GAK: variants seen among roughly 807,000 people sequenced by gnomAD.
GAK encodes cyclin G associated kinase, also known as cyclin-G-associated kinase.
GAK carries 79 observed loss-of-function variants against 143.9 expected under a neutral mutation model. That is an observed-to-expected ratio of 0.55 (90% CI 0.46 to 0.66). The LOEUF (loss-of-function observed/expected upper bound fraction) is 0.66. GAK is among the 30% of genes least tolerant of loss of function. GAK has a pLI of 0.00. For synonymous variants in GAK, 881 were observed against 765.5 expected (o/e 1.15, Z -2.49); for missense variants, 1,693 against 1,779.7 (o/e 0.95, Z 0.88).
rs553278324 is a variant in GAK, at chr4:929,313, C to T, written c.145+2730G>A. 1.3e-3 allele frequency among the ~76,000 whole-genome samples: 205 copies of T among 152,322 alleles called. 2 individuals carry two copies. Among genetic ancestry groups the T allele is most frequent in the Middle Eastern group, 6.8e-3 (2 of 294 alleles). On this transcript the variant is annotated intron_variant, in intron 1 of 27. Coordinates refer to ENST00000314167, the MANE Select transcript of GAK (RefSeq NM_005255.4). ...ACAACACCCAACCAAACGCACGAGG[C>T]GGGTTACGCTTAAACCATACGACGG...
chr4:929,529 G>A (rs1217608762), intron 1 of GAK, among the ~76,000 whole-genome samples: 1 of 152,142 alleles, frequency 6.6e-6, no homozygotes, highest in Non-Finnish European at 1.5e-5. Context: ...TCTCTGACAT[G>A]GTTGGTGCTC....
intron 24 of GAK, among the ~76,000 whole-genome samples, chr4:854,051 G>C (rs1468863137): frequency 2.0e-5 from 3 of 151,536 alleles, no homozygotes; most frequent in Admixed American, 6.6e-5. Context: ...GCCTGCCTCA[G>C]CCTCCCAAAG....
intron 23 of GAK, among the ~76,000 whole-genome samples, chr4:862,741 A>C (rs1328822038): frequency 6.6e-6 from 1 of 152,014 alleles, no homozygotes; most frequent in African/African-American, 2.4e-5. Context: ...CCATCTGTGT[A>C]CAGCATGGTT....
intron 5 of GAK, among the ~76,000 whole-genome samples, chr4:901,315 A>T (rs1263365789): frequency 6.6e-6 from 1 of 151,990 alleles, no homozygotes; most frequent in Non-Finnish European, 1.5e-5. Context: ...GCACACGGGG[A>T]GAGCCACGGC....
In GAK at chr4:893,362, G is replaced by T. The variant is rs769413262; in HGVS notation, c.990+15C>A. On this transcript the variant is annotated intron_variant, in intron 9 of 27. Transcript: ENST00000314167. ...CCACTGCGGGGGATTTGGGGCTCAC[G>T]TGTGCCTCCCTCACCTCTGTGATGG... 3 of 1,513,906 alleles carry T rather than the reference G, an allele frequency of 2.0e-6. No homozygotes were observed. Among genetic ancestry groups the T allele is most frequent in the Admixed American group, 2.1e-5 (1 of 48,680 alleles). The allele number at this position is 1,513,906 out of a possible 1,614,324, so 93.8% of individuals were successfully genotyped here.
chr4:878,752 TTTCCCGTGGCTGGCG>T (rs1714500855), intron 15 of GAK, among the ~76,000 whole-genome samples: 2 of 152,230 alleles, frequency 1.3e-5, no homozygotes, highest in Non-Finnish European at 2.9e-5. Context: ...CAGCTCTGGC[TTTCCCGTGGCTGGCG>T]TTCCCGTGGT....
chr4:879,169 C>T (rs181711999), intron 15 of GAK, among the ~76,000 whole-genome samples: 12 of 152,254 alleles, frequency 7.9e-5, no homozygotes, highest in African/African-American at 2.6e-4. Context: ...TGTGTTGTGT[C>T]GGGTCATGTA....
chr4:896,625 C>A, intron 6 of GAK, 76 bp from the exon 7 acceptor site: 1 of 1,148,614 alleles, frequency 8.7e-7, no homozygotes, highest in Non-Finnish European at 1.3e-6. Flanking sequence ...CACTTCCGTG[C>A]AGCTTTCCAA....
chr4:871,142 A>C (rs1484998234), intron 18 of GAK, among the ~76,000 whole-genome samples: 3 of 152,198 alleles, frequency 2.0e-5, no homozygotes, highest in Non-Finnish European at 2.9e-5. Context: ...GAAGAGCATC[A>C]TTTCACTCGC....
At chr4:868,828 C>G in intron 19 of GAK, 143 bp from the exon 20 acceptor site, 1 of 770,906 alleles carries the variant, frequency 1.3e-6, no homozygotes, top group Non-Finnish European at 2.0e-6. Flanking sequence ...AATGACATGA[C>G]GGGGAGGGGC....
In GAK at chr4:929,621, A is replaced by T. The variant is rs1025075387; in HGVS notation, c.145+2422T>A. Reference sequence around the variant, plus strand: ...GTAAGCCCAGCTACTCGGGAGGCCGAGGCAGGAAGATCCAGAGCCCAGTTC... The same window carrying T: ...GTAAGCCCAGCTACTCGGGAGGCCGTGGCAGGAAGATCCAGAGCCCAGTTC... On this transcript the variant is annotated intron_variant, in intron 1 of 27. Coordinates refer to ENST00000314167, the MANE Select transcript of GAK (RefSeq NM_005255.4). Among the ~76,000 whole-genome samples the T allele has an allele frequency of 3.3e-5, 5 of 152,068 alleles. No homozygotes were observed. In the South Asian group the frequency reaches 1.0e-3, roughly 32 times the overall value.
chr4:904,464 A>T (rs1056775829), intron 5 of GAK, among the ~76,000 whole-genome samples, 173 bp downstream of exon 5: 3 of 149,840 alleles, frequency 2.0e-5, no homozygotes, highest in Admixed American at 2.0e-4. Flanking sequence ...AGGCCTCAGC[A>T]GCCGCTACCT....
chr4:928,671 C>A (rs553267163), intron 1 of GAK, among the ~76,000 whole-genome samples: 35 of 152,352 alleles, frequency 2.3e-4, no homozygotes, highest in African/African-American at 8.2e-4. Context: ...AACTTGCAAC[C>A]AAGAGTCTTG....
At position 882,806 on chromosome 4, in the gene GAK, C is replaced by A. The variant is rs1413590717; in HGVS notation, c.1418G>T (p.Gly473Val). The A allele has an allele frequency of 6.2e-7, 1 of 1,610,160 alleles. No homozygotes were observed. Among genetic ancestry groups the A allele is most frequent in the Admixed American group, 1.7e-5 (1 of 60,022 alleles). ...SRFHNRVSECGWAARRAPHLH... is the reference protein window; with the variant it reads ...SRFHNRVSECVWAARRAPHLH... The stretch of plus-strand genomic sequence containing the variant: ...GTGTGGGGCCCGCCGTGCTGCCCAG[C>A]CACACTCGGAGACCTGTGGGGACAG... Residue 473 changes from glycine to valine, a missense_variant, in exon 14 of 28, where the codon GGC becomes GTC. By Grantham distance (109) the Gly-to-Val change is moderately radical (BLOSUM62 -3). Transcript: ENST00000314167.
At chr4:880,776 C>T (rs542561060) in intron 15 of GAK, among the ~76,000 whole-genome samples, 5 of 152,312 alleles carry the variant, frequency 3.3e-5, no homozygotes, top group South Asian at 2.1e-4. Flanking sequence ...GCTAGCTGCC[C>T]GGTGGGAGCA....
Position 883,258 on chromosome 4 carries a change from C to T in GAK, c.1404+57G>A, listed in dbSNP as rs1425753877. ...GCCAAAGCCCTCAGCTATGCCCCTGCACTGGAGCGGAAGGAAGCTCCAGAG... is the reference window on the plus strand; with the variant it reads ...GCCAAAGCCCTCAGCTATGCCCCTGTACTGGAGCGGAAGGAAGCTCCAGAG... On this transcript the variant is annotated intron_variant, in intron 13 of 27. Coordinates refer to ENST00000314167, the MANE Select transcript of GAK (RefSeq NM_005255.4). The T allele has an allele frequency of 5.7e-6, 9 of 1,591,914 alleles. No individual in the cohort carries two copies. The African/African-American group carries it at 8.1e-5, about 14-fold the overall frequency.
intron 5 of GAK, among the ~76,000 whole-genome samples, chr4:903,141 C>T (rs564777007): frequency 6.6e-5 from 10 of 151,842 alleles, no homozygotes; most frequent in African/African-American, 2.4e-4. Flanking sequence ...CCCAGAACCA[C>T]CTGTGTGGCG....
At chr4:906,185 C>T (rs967696792) in intron 4 of GAK, among the ~76,000 whole-genome samples, 6 of 151,866 alleles carry the variant, frequency 4.0e-5, no homozygotes, top group African/African-American at 1.2e-4. Context: ...GCCGAGCCGG[C>T]GAGCCGTTAA....
chr4:857,888 C>T (rs556627093), intron 24 of GAK, among the ~76,000 whole-genome samples: 48 of 152,338 alleles, frequency 3.2e-4, no homozygotes, highest in African/African-American at 9.6e-4. Context: ...CAAGCCCCCA[C>T]GGCTGCGGGT....
Sources: gnomAD v4.1 joint callset for allele counts (sites outside exome capture counted in the v4.1 genomes callset) on GRCh38, gnomAD v4.1.1 for gene constraint, MANE v1.5 for transcripts, NCBI Gene and HGNC (gene_info 2026-07-23, HGNC 2026-07-21) for gene names.